Variants in PYROXD2 observed in about 807,000 individuals in gnomAD.
PYROXD2 encodes pyridine nucleotide-disulfide oxidoreductase domain-containing protein 2.
A neutral mutation model predicts 71.1 loss-of-function variants in PYROXD2; 69 were observed. The observed-to-expected ratio is 0.97, with a 90% confidence interval of 0.80 to 1.19. PYROXD2 has a LOEUF of 1.19. Among genes scored for constraint, PYROXD2 ranks in the 50% most tolerant of loss-of-function variants. PYROXD2 has a pLI of 0.00. For synonymous variants in PYROXD2, 287 were observed against 302.7 expected, an observed-to-expected ratio of 0.95 and a Z score of 0.54; for missense variants, 745 against 748.9, an observed-to-expected ratio of 0.99 and a Z score of 0.06.
intron 8 of PYROXD2, 148 bp from the exon 9 acceptor site, chr10:98,393,231 C>CT (rs1843011504): frequency 1.4e-5 from 9 of 635,504 alleles, no homozygotes; most frequent in East Asian, 1.2e-4. Flanking sequence ...AGCTCAAGTT[C>CT]TTGTAAGAGC....
chr10:98,399,481 A>G (rs1196105240), intron 5 of PYROXD2, among the ~76,000 whole-genome samples: 2 of 152,222 alleles, frequency 1.3e-5, no homozygotes, highest in Non-Finnish European at 2.9e-5. Context: ...CATCTAGACA[A>G]GGCCACCCAG....
At position 98,401,273 on chromosome 10, in the gene PYROXD2, A is replaced by AAAAAAAAAAAAAAAC. The variant is rs149519972; in HGVS notation, c.316-1017_316-1016insGTTTTTTTTTTTTTT. 8.6e-4 allele frequency among the ~76,000 whole-genome samples: 105 copies of AAAAAAAAAAAAAAAC among 121,672 alleles called. 11 individuals are homozygous for AAAAAAAAAAAAAAAC. The highest frequency in any genetic ancestry group is 3.5e-3 in the African/African-American group (96 of 27,386). The allele number at this position is 121,672 out of a possible 152,430, so 79.8% of individuals were successfully genotyped here. On this transcript the variant is annotated intron_variant, in intron 4 of 15. Coordinates refer to ENST00000370575, the MANE Select transcript of PYROXD2 (RefSeq NM_032709.3). ...TGTCTCAAAAAAAAAAAAACAAAAAAAAACAAACATAGAAAAGGTACATTA... is the reference window on the plus strand; with the variant it reads ...TGTCTCAAAAAAAAAAAAACAAAAAAAAAAAAAAAAAAAACAAACAAACATAGAAAAGGTACATTA...
In PYROXD2 at chr10:98,411,013, CAG is replaced by C. The variant is rs1375440482; in HGVS notation, c.128-57_128-56del. The C allele has an allele frequency of 5.2e-6, 8 of 1,552,438 alleles. No individual in the cohort carries two copies. In the Admixed American group the frequency reaches 5.9e-5, roughly 11 times the overall value. ...CATCACTGGTCAGCGGGCGGGCAGA[CAG>C]ACAGTCCTTGAGGAATGTGCTCCCC... On this transcript the variant is annotated intron_variant, in intron 1 of 15. Coordinates refer to ENST00000370575, the MANE Select transcript of PYROXD2 (RefSeq NM_032709.3).
At chr10:98,405,524 T>C (rs930781306) in intron 4 of PYROXD2, among the ~76,000 whole-genome samples, 1 of 152,234 alleles carries the variant, frequency 6.6e-6, no homozygotes, top group African/African-American at 2.4e-5. Flanking sequence ...CACCAGGCAC[T>C]GTGCTGATGT....
At chr10:98,389,523 A>G (rs1401404946) in intron 12 of PYROXD2, among the ~76,000 whole-genome samples, 1 of 152,034 alleles carries the variant, frequency 6.6e-6, no homozygotes, top group Non-Finnish European at 1.5e-5. Flanking sequence ...ACCCAGCACC[A>G]TCCGAGACCC....
At chr10:98,399,426 T>C (rs1843312706) in intron 5 of PYROXD2, among the ~76,000 whole-genome samples, 1 of 152,196 alleles carries the variant, frequency 6.6e-6, no homozygotes, top group African/African-American at 2.4e-5. Flanking sequence ...TCTTTCTATA[T>C]CCACAGAACC....
chr10:98,394,543 AACACACACACACACACAC>A (rs58461142), intron 8 of PYROXD2, among the ~76,000 whole-genome samples: 13 of 141,910 alleles, frequency 9.2e-5, no homozygotes, highest in East Asian at 2.1e-4. Flanking sequence ...TCTCCATCCC[AACACACACACACACACAC>A]ACACACACAC....
At chr10:98,402,557 T>C (rs1843450697) in intron 4 of PYROXD2, among the ~76,000 whole-genome samples, 1 of 152,226 alleles carries the variant, frequency 6.6e-6, no homozygotes, top group Non-Finnish European at 1.5e-5. Context: ...CACACAGAAT[T>C]TTCCAAGAGC....
In PYROXD2 at chr10:98,388,479, G is replaced by A. The variant is rs41290474; in HGVS notation, c.1322C>T (p.Ser441Leu). 27 of 1,611,218 alleles carry A rather than the reference G, an allele frequency of 1.7e-5. No homozygotes were observed. Among genetic ancestry groups the A allele is most frequent in the African/African-American group, 6.7e-5 (5 of 74,682 alleles). Residue 441 changes from serine (S) to leucine (L), a missense_variant, in exon 13 of 16, where the codon TCG (serine) becomes TTG (leucine). Coordinates refer to ENST00000370575, the MANE Select transcript of PYROXD2 (RefSeq NM_032709.3). ...AGGGGGAGCCAGGGTGGGGTCCAGCGAGGAAGGGATGCAGAGCTCAATCAC... is the reference window on the plus strand; with the variant it reads ...AGGGGGAGCCAGGGTGGGGTCCAGCAAGGAAGGGATGCAGAGCTCAATCAC... ...RPVIELCIPS[S>L]LDPTLAPPGC...
At chr10:98,410,375 C>T (rs1376235286) in intron 2 of PYROXD2, among the ~76,000 whole-genome samples, 2 of 152,214 alleles carry the variant, frequency 1.3e-5, no homozygotes, top group African/African-American at 4.8e-5. Context: ...TCTGGGATAT[C>T]CAGCTCAGTT....
At chr10:98,391,373 G>A (rs1268879420) in intron 10 of PYROXD2, among the ~76,000 whole-genome samples, 1 of 152,160 alleles carries the variant, frequency 6.6e-6, no homozygotes, top group Non-Finnish European at 1.5e-5. Flanking sequence ...CTACTGGTCT[G>A]TAAGCTCTTG....
At position 98,388,456 on chromosome 10, in the gene PYROXD2, G is replaced by C. The variant is rs1842832426; in HGVS notation, c.1345C>G (p.Pro449Ala). The part of the protein sequence containing the change: ...PSSLDPTLAP[P>A]GCHVVSLFTQ... ...AAGAGGGAGACTACATGGCAGCCAG[G>C]GGGAGCCAGGGTGGGGTCCAGCGAG... is the stretch of plus-strand genomic sequence containing the variant. The change falls in exon 13 of 16, where the codon CCT (proline) becomes GCT (alanine). Residue 449 changes from proline (P) to alanine (A), a missense_variant. Coordinates refer to ENST00000370575, the MANE Select transcript of PYROXD2 (RefSeq NM_032709.3). 2 of 1,612,744 alleles carry C rather than the reference G, an allele frequency of 1.2e-6. No individual in the cohort carries two copies. Among genetic ancestry groups the C allele is most frequent in the Non-Finnish European group, 1.7e-6 (2 of 1,179,684 alleles).
rs747124418 is a variant in PYROXD2, at chr10:98,395,291, C to G, written c.690G>C (p.Val230=). Residue 230 remains valine (V), a splice_region_variant and synonymous_variant, in exon 8 of 16, where the codon GTG becomes GTC. Coordinates refer to ENST00000370575, the MANE Select transcript of PYROXD2 (RefSeq NM_032709.3). ...GCTCAGACTCGAACCACTGATCCAG[C>G]ACCTGGACAGCACAACAGCAGAGAG... ...YEVLTAPITK[V]LDQWFESEPL... is the part of the protein sequence containing the mutation. 1.2e-6 allele frequency: 2 copies of G among 1,614,212 alleles called. No homozygotes were observed. The highest frequency in any genetic ancestry group is 2.2e-5 in the South Asian group (2 of 91,078).
intron 1 of PYROXD2, chr10:98,414,088 T>TATATAC (rs1564815299): frequency 6.6e-6 from 1 of 151,830 alleles, no homozygotes; most frequent in East Asian, 1.9e-4. Flanking sequence ...TATGTGTGTA[T>TATATAC]ATATACATAT....
Position 98,389,084 on chromosome 10 carries a change from C to T in PYROXD2, c.1293-576G>A, listed in dbSNP as rs536770253. On this transcript the variant is annotated intron_variant, in intron 12 of 15. Coordinates refer to ENST00000370575, the MANE Select transcript of PYROXD2 (RefSeq NM_032709.3). ...CGGGAAATGCCCCTTCTCCCTGCGT[C>T]CCTCAGCTGCAATGTTCTCGCTGAA... is the stretch of plus-strand genomic sequence containing the variant. 2.0e-5 allele frequency among the ~76,000 whole-genome samples: 3 copies of T among 152,300 alleles called. No individual in the cohort carries two copies. In the South Asian group the frequency reaches 6.2e-4, roughly 32 times the overall value.
intron 13 of PYROXD2, 146 bp from the exon 14 acceptor site, chr10:98,387,453 G>A: frequency 1.6e-6 from 1 of 606,344 alleles, no homozygotes; most frequent in South Asian, 2.1e-5. Context: ...ACCTCAATAG[G>A]TGAAAAACAA....
intron 12 of PYROXD2, among the ~76,000 whole-genome samples, chr10:98,389,882 G>GA (rs1257838292): frequency 1.3e-5 from 2 of 152,222 alleles, no homozygotes; most frequent in Non-Finnish European, 2.9e-5. Flanking sequence ...GCCTGGCACA[G>GA]AATAGAGACC....
chr10:98,386,546 C>CTTT (rs112385802), intron 14 of PYROXD2, among the ~76,000 whole-genome samples: 70 of 147,762 alleles, frequency 4.7e-4, no homozygotes, highest in African/African-American at 4.0e-4. Flanking sequence ...CTTTCTTTTG[C>CTTT]TTTTTTTTTA....
In PYROXD2 at chr10:98,390,716, TG is replaced by T; in HGVS notation, c.1173del (p.Asn392MetfsTer17). The T allele has an allele frequency of 6.2e-7, 1 of 1,609,224 alleles. No homozygotes were observed. Among genetic ancestry groups the T allele is most frequent in the Non-Finnish European group, 8.5e-7 (1 of 1,177,590 alleles). On this transcript the variant is annotated frameshift_variant, in exon 12 of 16. Transcript: ENST00000370575. LOFTEE classifies it high-confidence loss of function. Reference sequence around the variant, plus strand: ...GGCAGCGGCTGGCCCCTGGGAGCATTGGGGGCCGCCAGGAAGCTGGGCAGCC... The same window carrying T: ...GGCAGCGGCTGGCCCCTGGGAGCATTGGGGCCGCCAGGAAGCTGGGCAGCC... ...VDRLPSFLAA[P>X]NAPRGQPLPH...
Sources: gnomAD v4.1 joint callset for allele counts (sites outside exome capture counted in the v4.1 genomes callset) on GRCh38, gnomAD v4.1.1 for gene constraint, MANE v1.5 for transcripts, NCBI Gene and HGNC (gene_info 2026-07-23, HGNC 2026-07-21) for gene names.